Variants in ASCC1 observed in about 807,000 individuals in gnomAD.
ASCC1 encodes the protein activating signal cointegrator 1 complex subunit 1, also known as ASC-1 complex subunit P50.
ASCC1 carries 35 observed loss-of-function variants against 46.6 expected under a neutral mutation model. That is an observed-to-expected ratio of 0.75 (90% confidence interval 0.57 to 0.99). The LOEUF (loss-of-function observed/expected upper bound fraction) is 0.99, where lower values mean the gene tolerates loss of function less well. ASCC1 is among the 50% of genes least tolerant of loss of function. ASCC1 has a pLI of 0.00. For synonymous variants in ASCC1, 143 were observed against 146.6 expected (o/e 0.98, Z 0.18); for missense variants, 376 against 428.7 (o/e 0.88, Z 1.09).
intron 6 of ASCC1, among the ~76,000 whole-genome samples, chr10:72,156,467 A>C (rs1464144529): frequency 1.3e-5 from 2 of 152,226 alleles, no homozygotes; most frequent in Non-Finnish European, 2.9e-5. Context: ...ACTGCCTTAA[A>C]AACAAAAGGA....
intron 3 of ASCC1, among the ~76,000 whole-genome samples, chr10:72,204,028 T>C (rs73274996): frequency 0.14 from 21,742 of 152,048 alleles, 4,437 homozygotes; most frequent in African/African-American, 0.45. Flanking sequence ...GTGGGCAGAT[T>C]GCCTGAGGTC....
At chr10:72,156,347 G>A (rs1336053956) in intron 6 of ASCC1, among the ~76,000 whole-genome samples, 3 of 152,090 alleles carry the variant, frequency 2.0e-5, no homozygotes, top group Admixed American at 6.6e-5. Flanking sequence ...ACTGTGAGCC[G>A]ATTAAACCTC....
intron 7 of ASCC1, among the ~76,000 whole-genome samples, chr10:72,144,808 T>C (rs1041740973): frequency 1.3e-5 from 2 of 152,188 alleles, no homozygotes; most frequent in African/African-American, 2.4e-5. Context: ...TCTATCATTT[T>C]TAAACGCCCC....
At chr10:72,163,578 T>C (rs1849969321) in intron 5 of ASCC1, among the ~76,000 whole-genome samples, 1 of 151,872 alleles carries the variant, frequency 6.6e-6, no homozygotes, top group Admixed American at 6.6e-5. Flanking sequence ...CTACTAAAAA[T>C]ACAAAAATTA....
rs533117077 is a variant in ASCC1 at position 72,097,158 on chromosome 10, T to C, written c.*176A>G. On this transcript the variant is annotated 3_prime_UTR_variant, in exon 10 of 10. Coordinates refer to ENST00000672957, the MANE Select transcript of ASCC1 (RefSeq NM_001198800.3). ...AATTCTCCTTATGCCCACCACCATC[T>C]CAGCTGGTAGTATGACGGGTGTAGA... is the stretch of plus-strand genomic sequence containing the variant. 4 of 704,578 alleles carry C rather than the reference T, an allele frequency of 5.7e-6. No homozygotes were observed. In the African/African-American group the frequency reaches 6.9e-5, roughly 12 times the overall value. The allele number at this position is 704,578 out of a possible 1,614,324, so 43.6% of individuals were successfully genotyped here.
intron 7 of ASCC1, among the ~76,000 whole-genome samples, chr10:72,140,040 C>A (rs558698253): frequency 6.6e-6 from 1 of 152,056 alleles, no homozygotes; most frequent in Non-Finnish European, 1.5e-5. Context: ...GCAAGGAGGA[C>A]GGGCTTAGGA....
At chr10:72,214,367 CTTTTTTTTTT>C (rs970289326) in intron 1 of ASCC1, among the ~76,000 whole-genome samples, 1 of 88,464 alleles carries the variant, frequency 1.1e-5, no homozygotes, top group Non-Finnish European at 2.1e-5. Flanking sequence ...CACAATATCT[CTTTTTTTTTT>C]TTTTTTTTTT....
Position 72,097,279 on chromosome 10 carries a change from T to G in ASCC1, c.*55A>C, listed in dbSNP as rs771773922. On this transcript the variant is annotated 3_prime_UTR_variant, in exon 10 of 10. Coordinates refer to ENST00000672957, the MANE Select transcript of ASCC1 (RefSeq NM_001198800.3). ...TGCTTGGCAATTAAAACGAAGACACTTTTCTTCAGCACCTGGTGAAGATGT... is the reference window on the plus strand; with the variant it reads ...TGCTTGGCAATTAAAACGAAGACACGTTTCTTCAGCACCTGGTGAAGATGT... The G allele has an allele frequency of 1.1e-4, 139 of 1,259,632 alleles. No individual in the cohort carries two copies. The highest frequency in any genetic ancestry group is 1.5e-4 in the Non-Finnish European group (126 of 860,036). 78.0% of individuals were successfully genotyped at this position (1,259,632 alleles called of 1,614,324 possible). A position where few individuals can be genotyped will look rare whatever the true frequency, so the allele number is the denominator to read the frequency against.
intron 7 of ASCC1, among the ~76,000 whole-genome samples, chr10:72,146,774 C>T (rs1286508908): frequency 1.3e-5 from 2 of 152,076 alleles, no homozygotes; most frequent in South Asian, 2.1e-4. Flanking sequence ...TAAGTGGTTA[C>T]GTCCTTTTAA....
At chr10:72,128,285 A>T in intron 8 of ASCC1, 118 bp from the exon 9 acceptor site, 1 of 815,096 alleles carries the variant, frequency 1.2e-6, no homozygotes, top group Non-Finnish European at 2.1e-6. Context: ...GGAAAGTGGC[A>T]TAATGAAGAG....
At chr10:72,156,687 G>A (rs373810280) in intron 6 of ASCC1, among the ~76,000 whole-genome samples, 1 of 151,744 alleles carries the variant, frequency 6.6e-6, no homozygotes, top group African/African-American at 2.4e-5. Flanking sequence ...CAGGAGAATG[G>A]CGCGAACCCA....
chr10:72,122,221 C>A (rs1844289758), intron 9 of ASCC1, among the ~76,000 whole-genome samples: 1 of 152,150 alleles, frequency 6.6e-6, no homozygotes, highest in Non-Finnish European at 1.5e-5. Context: ...GAGTTCAAGA[C>A]CATCCTGGCC....
At position 72,097,436 on chromosome 10, in the gene ASCC1, G is replaced by T; in HGVS notation, c.972C>A (p.Phe324Leu). 1 of 1,608,564 alleles carries T rather than the reference G, an allele frequency of 6.2e-7. No individual in the cohort carries two copies. ...AATTCAGCTTTAGGGAGCCAAAGTA[G>T]AAGTTCTCAAACAACTGAAAAGGAA... The part of the protein sequence containing the change: ...GRNILKLFEN[F>L]YFGSLKLNSI... The change falls in exon 10 of 10, where the codon TTC (phenylalanine) becomes TTA (leucine). Residue 324 changes from phenylalanine to leucine, a missense_variant. Transcript: ENST00000672957.
chr10:72,192,410 G>A lies in ASCC1; in HGVS notation c.489+4401C>T, dbSNP rs115671463. 8.2e-3 allele frequency among the ~76,000 whole-genome samples: 1,225 copies of A among 148,878 alleles called. 19 individuals are homozygous for A. The highest frequency in any genetic ancestry group is 0.03 in the African/African-American group (1,167 of 39,412). ...GCGAAGGTTGCAGTGAGCCAAGATC[G>A]AGCCATAGAACTCCAGCCTGAGTGA... On this transcript the variant is annotated intron_variant, in intron 5 of 9. Transcript: ENST00000672957.
At chr10:72,150,861 G>C (rs1291647067) in intron 7 of ASCC1, among the ~76,000 whole-genome samples, 1 of 152,116 alleles carries the variant, frequency 6.6e-6, no homozygotes, top group Non-Finnish European at 1.5e-5. Flanking sequence ...ATCATCACTG[G>C]TCATCAGAGA....
intron 1 of ASCC1, among the ~76,000 whole-genome samples, chr10:72,213,534 G>C (rs1187610574): frequency 6.9e-6 from 1 of 145,624 alleles, no homozygotes; most frequent in Non-Finnish European, 1.5e-5. Context: ...GCTCACTCTA[G>C]ACAGCAAAGT....
At chr10:72,135,881 T>C (rs1846125131) in intron 7 of ASCC1, among the ~76,000 whole-genome samples, 2 of 152,140 alleles carry the variant, frequency 1.3e-5, no homozygotes, top group South Asian at 4.1e-4. Context: ...AAGAACACAA[T>C]ACATTCAAGG....
At chr10:72,097,537 A>G in intron 9 of ASCC1, 87 bp from the exon 10 acceptor site, 1 of 793,382 alleles carries the variant, frequency 1.3e-6, no homozygotes, top group Non-Finnish European at 2.2e-6. Context: ...AAAACACCAA[A>G]CCACAACAAT....
At chr10:72,142,156 T>C (rs1847094609) in intron 7 of ASCC1, among the ~76,000 whole-genome samples, 1 of 152,206 alleles carries the variant, frequency 6.6e-6, no homozygotes, top group Admixed American at 6.5e-5. Context: ...GAAAGTTTCT[T>C]GAAAAAATAT....
Sources: allele counts gnomAD v4.1 joint callset (sites outside exome capture counted in the v4.1 genomes callset), GRCh38; gene constraint gnomAD v4.1.1; transcripts MANE v1.5; gene names NCBI Gene and HGNC (gene_info 2026-07-23, HGNC 2026-07-21).